The following KCNIP4 variants were observed in gnomAD, a reference collection of about 807,000 sequenced individuals.
KCNIP4 encodes the protein Kv channel-interacting protein 4.
Under a neutral mutation model 34.0 loss-of-function variants are expected in KCNIP4, and 12 were observed. The observed-to-expected ratio is 0.35, with a 90% CI of 0.23 to 0.57. The LOEUF (loss-of-function observed/expected upper bound fraction) is 0.57. Ranked by LOEUF, KCNIP4 falls within the 20% of genes least tolerant of loss-of-function variation. KCNIP4 has a pLI of 0.83. For missense variants in KCNIP4, 238 were observed against 311.7 expected, an observed-to-expected ratio of 0.76 and a Z score of 1.78; for synonymous variants, 124 against 102.2, an observed-to-expected ratio of 1.21 and a Z score of -1.29.
At chr4:21,677,536 G>A (rs1750004920) in intron 1 of KCNIP4, among the ~76,000 whole-genome samples, 1 of 152,012 alleles carries the variant, frequency 6.6e-6, no homozygotes, top group Admixed American at 6.6e-5. Flanking sequence ...CTGCCAATAG[G>A]GTTTCCTAAA....
At chr4:21,225,939 A>G (rs1472255766) in intron 1 of KCNIP4, among the ~76,000 whole-genome samples, 2 of 152,052 alleles carry the variant, frequency 1.3e-5, no homozygotes, top group African/African-American at 4.8e-5. Flanking sequence ...CCCCCTGCTC[A>G]TGCAAAAAGC....
At chr4:20,902,231 G>A (rs111970192) in intron 1 of KCNIP4, among the ~76,000 whole-genome samples, 4 of 152,282 alleles carry the variant, frequency 2.6e-5, no homozygotes, top group African/African-American at 9.6e-5. Context: ...CTTAAAATCT[G>A]TGGAACAACT....
intron 1 of KCNIP4, among the ~76,000 whole-genome samples, chr4:21,761,338 T>C (rs1392255769): frequency 2.0e-5 from 3 of 152,168 alleles, no homozygotes; most frequent in Non-Finnish European, 4.4e-5. Flanking sequence ...TGTACTTTTT[T>C]GTAAATGCCC....
intron 1 of KCNIP4, among the ~76,000 whole-genome samples, chr4:21,566,938 T>C (rs899571924): frequency 6.6e-6 from 1 of 152,084 alleles, no homozygotes. Context: ...ACCTCTATAT[T>C]GTGTAATGCC....
chr4:20,976,991 G>A (rs886907086), intron 1 of KCNIP4, among the ~76,000 whole-genome samples: 37 of 151,826 alleles, frequency 2.4e-4, no homozygotes, highest in African/African-American at 8.2e-4. Context: ...GCACCACCAC[G>A]CCTGGCTAAT....
intron 1 of KCNIP4, chr4:21,697,502 AAT>A: frequency 6.7e-7 from 1 of 1,502,556 alleles, no homozygotes. Context: ...TAATAATAAT[AAT>A]AAAAAGAGAG....
intron 1 of KCNIP4, among the ~76,000 whole-genome samples, chr4:21,610,797 G>C (rs1450968438): frequency 6.6e-6 from 1 of 151,870 alleles, no homozygotes; most frequent in East Asian, 1.9e-4. Flanking sequence ...TTACAAACAT[G>C]GTGAAAAGGG....
chr4:21,749,903 T>A (rs1717036707), intron 1 of KCNIP4, among the ~76,000 whole-genome samples: 2 of 152,188 alleles, frequency 1.3e-5, no homozygotes, highest in South Asian at 2.1e-4. Flanking sequence ...AGTTACTTAA[T>A]TCCAGGCTGA....
intron 1 of KCNIP4, among the ~76,000 whole-genome samples, chr4:21,765,353 G>T (rs367620643): frequency 6.6e-6 from 1 of 151,864 alleles, no homozygotes; most frequent in African/African-American, 2.4e-5. Flanking sequence ...CTATGTTAAT[G>T]GTACCCACTG....
intron 1 of KCNIP4, among the ~76,000 whole-genome samples, chr4:21,750,455 C>T (rs1405983843): frequency 2.0e-5 from 3 of 152,094 alleles, no homozygotes; most frequent in African/African-American, 7.2e-5. Flanking sequence ...CTCAAATATG[C>T]CTCCGCAGCT....
intron 1 of KCNIP4, among the ~76,000 whole-genome samples, chr4:21,242,907 T>C (rs947215008): frequency 4.9e-4 from 70 of 142,142 alleles, no homozygotes; most frequent in African/African-American, 2.0e-3. Flanking sequence ...TGTGTGTGTG[T>C]GTGTGTGTGT....
At chr4:20,970,510 G>C (rs1235218286) in intron 1 of KCNIP4, among the ~76,000 whole-genome samples, 2 of 152,046 alleles carry the variant, frequency 1.3e-5, no homozygotes, top group Non-Finnish European at 2.9e-5. Context: ...TGAGGGTTAG[G>C]GGAGTGATCT....
chr4:20,756,271 T>G (rs28664206), intron 4 of KCNIP4, among the ~76,000 whole-genome samples: 2 of 152,158 alleles, frequency 1.3e-5, no homozygotes, highest in African/African-American at 2.4e-5. Flanking sequence ...GATGTCAAAG[T>G]TGAAAGGAAG....
intron 1 of KCNIP4, among the ~76,000 whole-genome samples, chr4:21,745,497 T>A (rs1181609457): frequency 6.6e-6 from 1 of 152,130 alleles, no homozygotes; most frequent in Non-Finnish European, 1.5e-5. Context: ...GTTCAGGGCA[T>A]AAAAATCTTA....
chr4:21,483,123 T>G (rs1473142713), intron 1 of KCNIP4, among the ~76,000 whole-genome samples: 1 of 150,860 alleles, frequency 6.6e-6, no homozygotes, highest in Non-Finnish European at 1.5e-5. Context: ...ATATACCTAA[T>G]GTAAATGATG....
At chr4:21,246,757 A>C (rs532885716) in intron 1 of KCNIP4, among the ~76,000 whole-genome samples, 326 of 152,278 alleles carry the variant, frequency 2.1e-3, no homozygotes, top group Non-Finnish European at 3.9e-3. Context: ...TTTGATTGTA[A>C]AAGTTGAAAA....
intron 1 of KCNIP4, among the ~76,000 whole-genome samples, chr4:21,682,846 A>G (rs776274753): frequency 6.6e-6 from 1 of 152,222 alleles, no homozygotes; most frequent in Non-Finnish European, 1.5e-5. Flanking sequence ...TCACTGTCTC[A>G]TATAGGTATG....
intron 3 of KCNIP4, among the ~76,000 whole-genome samples, chr4:20,808,856 T>G (rs1468681006): frequency 6.6e-6 from 1 of 152,208 alleles, no homozygotes; most frequent in Non-Finnish European, 1.5e-5. Context: ...CACCTCATCA[T>G]GCAAATCTTT....
chr4:21,411,454 A>G (rs934453303), intron 1 of KCNIP4, among the ~76,000 whole-genome samples: 1 of 152,194 alleles, frequency 6.6e-6, no homozygotes, highest in African/African-American at 2.4e-5. Flanking sequence ...ATGAAGTTCT[A>G]TACCACTGAT....
Sources: gnomAD v4.1 joint callset for allele counts (sites outside exome capture counted in the v4.1 genomes callset) on GRCh38, gnomAD v4.1.1 for gene constraint, MANE v1.5 for transcripts, NCBI Gene and HGNC (gene_info 2026-07-23, HGNC 2026-07-21) for gene names.